Variants in VPS53 observed in about 807,000 individuals in gnomAD.
The protein encoded by VPS53 is VPS53 subunit of GARP complex.
VPS53 carries 70 observed loss-of-function variants against 107.0 expected under a neutral mutation model. The ratio of observed to expected loss-of-function variants is 0.65; its 90% CI spans 0.54 to 0.80. The LOEUF is 0.80. Ranked by LOEUF, VPS53 falls within the 30% of genes least tolerant of loss-of-function variation. The pLI, the probability that VPS53 is intolerant of heterozygous loss-of-function variation, is 0.00. For synonymous variants in VPS53, 409 were observed against 393.3 expected (o/e 1.04, Z -0.47); for missense variants, 917 against 1,049.4 (o/e 0.87, Z 1.74).
chr17:525,253 T>C (rs993905586), intron 19 of VPS53, among the ~76,000 whole-genome samples: 2 of 152,186 alleles, frequency 1.3e-5, no homozygotes, highest in Non-Finnish European at 2.9e-5. Flanking sequence ...TGTGAATATA[T>C]ACACATATAT....
At chr17:632,756 A>G (rs1159945904) in intron 7 of VPS53, 1 of 456,408 alleles carries the variant, frequency 2.2e-6, no homozygotes, top group Non-Finnish European at 4.4e-6. Context: ...GAGTGAGAAC[A>G]TGAGGAATCT....
intron 1 of VPS53, chr17:714,191 G>C (rs890840325): frequency 1.1e-5 from 2 of 175,698 alleles, no homozygotes; most frequent in Non-Finnish European, 2.4e-5. Context: ...TCTCTTCTCT[G>C]CCGTCCGCTT....
chr17:527,528 G>A, intron 19 of VPS53, among the ~76,000 whole-genome samples: 1 of 152,152 alleles, frequency 6.6e-6, no homozygotes, highest in Non-Finnish European at 1.5e-5. Flanking sequence ...TTCCAATGTG[G>A]CTGGGCTAAC....
At chr17:614,413 A>C (rs1425261751) in intron 11 of VPS53, among the ~76,000 whole-genome samples, 3 of 152,180 alleles carry the variant, frequency 2.0e-5, no homozygotes, top group African/African-American at 7.2e-5. Flanking sequence ...CTGCTTCTCT[A>C]TTCTCGCCAT....
intron 12 of VPS53, among the ~76,000 whole-genome samples, chr17:587,927 A>G (rs1967408868): frequency 6.6e-6 from 1 of 152,208 alleles, no homozygotes; most frequent in South Asian, 2.1e-4. Flanking sequence ...GGATAAGTAC[A>G]CACCCACAAA....
At chr17:523,907 C>G (rs938390343) in intron 19 of VPS53, among the ~76,000 whole-genome samples, 2 of 152,184 alleles carry the variant, frequency 1.3e-5, no homozygotes, top group African/African-American at 2.4e-5. Context: ...TTCCAGAATT[C>G]CAGTGGAAAT....
intron 7 of VPS53, among the ~76,000 whole-genome samples, 194 bp from the exon 8 acceptor site, chr17:631,822 A>G (rs986455372): frequency 6.6e-6 from 1 of 151,976 alleles, no homozygotes; most frequent in Non-Finnish European, 1.5e-5. Context: ...AGATATTCTC[A>G]GGGTGAATCT....
intron 4 of VPS53, among the ~76,000 whole-genome samples, chr17:682,519 G>A (rs770274077): frequency 5.3e-5 from 8 of 152,118 alleles, no homozygotes; most frequent in Non-Finnish European, 1.2e-4. Flanking sequence ...ACACAAGCAG[G>A]CGAGAGGGCT....
intron 4 of VPS53, among the ~76,000 whole-genome samples, chr17:683,470 A>G (rs1483831474): frequency 1.3e-5 from 2 of 152,242 alleles, no homozygotes; most frequent in Non-Finnish European, 1.5e-5. Flanking sequence ...CAAGCAAAGA[A>G]AAGCTGAGAG....
At chr17:657,142 C>T (rs953850093) in intron 5 of VPS53, 19 of 1,423,916 alleles carry the variant, frequency 1.3e-5, no homozygotes, top group Non-Finnish European at 1.5e-5. Context: ...GTCAGGGTAG[C>T]GGATGGTGCG....
At chr17:649,978 G>A (rs1418894930) in intron 7 of VPS53, among the ~76,000 whole-genome samples, 1 of 152,192 alleles carries the variant, frequency 6.6e-6, no homozygotes, top group Non-Finnish European at 1.5e-5. Flanking sequence ...TAGGAAGACT[G>A]GGTTGAGGAA....
At chr17:655,630 C>CCCCT (rs1243260641) in intron 6 of VPS53, among the ~76,000 whole-genome samples, 1 of 152,206 alleles carries the variant, frequency 6.6e-6, no homozygotes, top group Non-Finnish European at 1.5e-5. Flanking sequence ...CTTCTGGGGT[C>CCCCT]CCCTTTTGAC....
chr17:711,866 G>C (rs1973654474), intron 1 of VPS53, among the ~76,000 whole-genome samples: 1 of 151,210 alleles, frequency 6.6e-6, no homozygotes, highest in Non-Finnish European at 1.5e-5. Context: ...ACCCAGGCTG[G>C]AGTGCAGTAG....
chr17:536,929 G>A, intron 18 of VPS53, 99 bp downstream of exon 18: 1 of 1,467,242 alleles, frequency 6.8e-7, no homozygotes, highest in East Asian at 2.4e-5. Context: ...AAATCTCTGT[G>A]CTTGCTGCTT....
intron 13 of VPS53, among the ~76,000 whole-genome samples, chr17:575,677 A>C (rs1252468632): frequency 1.3e-5 from 2 of 151,064 alleles, no homozygotes; most frequent in Admixed American, 6.6e-5. Flanking sequence ...GTTCCAGGGA[A>C]CCTCCCTCAG....
intron 9 of VPS53, among the ~76,000 whole-genome samples, chr17:627,774 TCACACACA>T (rs60407745): frequency 2.0e-5 from 3 of 150,540 alleles, no homozygotes; most frequent in Non-Finnish European, 4.4e-5. Flanking sequence ...AAACTCCGTC[TCACACACA>T]CACACACACA....
intron 12 of VPS53, 48 bp from the exon 13 acceptor site, chr17:586,412 A>G (rs1269681553): frequency 6.4e-7 from 1 of 1,558,250 alleles, no homozygotes; most frequent in Non-Finnish European, 8.8e-7. Context: ...GATCTTTGCA[A>G]ATGTTCAAGA....
intron 13 of VPS53, among the ~76,000 whole-genome samples, chr17:584,024 A>G (rs1035346765): frequency 9.2e-5 from 14 of 152,088 alleles, no homozygotes; most frequent in Non-Finnish European, 1.8e-4. Flanking sequence ...AACTTCCCTC[A>G]GTACCTAATG....
At chr17:651,259 G>A (rs368811834) in intron 7 of VPS53, among the ~76,000 whole-genome samples, 1 of 152,190 alleles carries the variant, frequency 6.6e-6, no homozygotes, top group African/African-American at 2.4e-5. Context: ...GGACAACAAT[G>A]GGATTCTGAA....
Sources: allele counts gnomAD v4.1 joint callset (sites outside exome capture counted in the v4.1 genomes callset), GRCh38; gene constraint gnomAD v4.1.1; transcripts MANE v1.5; gene names NCBI Gene and HGNC (gene_info 2026-07-23, HGNC 2026-07-21).